TOR1AIP2: variants seen among roughly 807,000 people sequenced by gnomAD.
The protein encoded by TOR1AIP2 is torsin-1A-interacting protein 2.
Under a neutral mutation model 32.6 loss-of-function variants are expected in TOR1AIP2, and 20 were observed. The observed-to-expected ratio is 0.61, with a 90% confidence interval of 0.43 to 0.89. TOR1AIP2 has a LOEUF of 0.89. Ranked by LOEUF, TOR1AIP2 falls within the 40% of genes least tolerant of loss-of-function variation. TOR1AIP2 has a pLI of 0.00. For synonymous variants in TOR1AIP2, 214 were observed against 210.8 expected (o/e 1.02, Z -0.13); for missense variants, 456 against 553.8 (o/e 0.82, Z 1.77).
chr1:179,858,002 A>T (rs1319583049), intron 3 of TOR1AIP2, among the ~76,000 whole-genome samples: 1 of 152,106 alleles, frequency 6.6e-6, no homozygotes, highest in East Asian at 1.9e-4. Context: ...AAAAAAATTT[A>T]AAAATTAGCC....
rs764630420 is a variant in TOR1AIP2 at position 179,865,059 on chromosome 1, A to C, written c.-147+377T>G. 3 of 1,614,076 alleles carry C rather than the reference A, an allele frequency of 1.9e-6. No homozygotes were observed. The South Asian group carries it at 3.3e-5, about 18-fold the overall frequency. On this transcript the variant is annotated intron_variant, in intron 3 of 6. Coordinates refer to ENST00000609928, the MANE Select transcript of TOR1AIP2 (RefSeq NM_001199260.2). ...TAATCAGCTCTGTTAATACGGTCTA[A>C]GAATACCTGGTAACATTCATTTTCA...
In TOR1AIP2 at chr1:179,844,939, T is replaced by C. The variant is rs2148419924; in HGVS notation, c.*1132A>G. 1 of 152,344 alleles carries C rather than the reference T, an allele frequency of 6.6e-6. No homozygotes were observed. The allele number at this position is 152,344 out of a possible 1,614,324, so 9.4% of individuals were successfully genotyped here. Reference sequence around the variant, plus strand: ...TGAAAGAGTCTACAAACTCTTACCCTAGACAAGTATAAAATTCCATGCAGA... The same window carrying C: ...TGAAAGAGTCTACAAACTCTTACCCCAGACAAGTATAAAATTCCATGCAGA... On this transcript the variant is annotated 3_prime_UTR_variant, in exon 7 of 7. Coordinates refer to ENST00000609928, the MANE Select transcript of TOR1AIP2 (RefSeq NM_001199260.2).
rs1013799845 is a variant in TOR1AIP2 at position 179,844,436 on chromosome 1, C to T, written c.*1635G>A. On this transcript the variant is annotated 3_prime_UTR_variant, in exon 7 of 7. Coordinates refer to ENST00000609928, the MANE Select transcript of TOR1AIP2 (RefSeq NM_001199260.2). ...TTTAATCAGACTTCTTAGCTATATA[C>T]ATATGATCTCATATAATGGAGAGGC... 1 of 152,172 alleles carries T rather than the reference C, an allele frequency of 6.6e-6. No homozygotes were observed. The highest frequency in any genetic ancestry group is 1.5e-5 in the Non-Finnish European group (1 of 68,030). The allele number at this position is 152,172 out of a possible 1,614,324, so 9.4% of individuals were successfully genotyped here. A position where few individuals can be genotyped will look rare whatever the true frequency, so the allele number is the denominator to read the frequency against.
intron 2 of TOR1AIP2, chr1:179,867,846 C>T (rs986218865): frequency 6.6e-6 from 1 of 152,166 alleles, no homozygotes; most frequent in East Asian, 1.9e-4. Flanking sequence ...AGAACTCCAC[C>T]GTTCCATATG....
chr1:179,869,935 C>G (rs182049182), intron 2 of TOR1AIP2, among the ~76,000 whole-genome samples: 2 of 152,294 alleles, frequency 1.3e-5, no homozygotes, highest in East Asian at 3.9e-4. Context: ...CTGTTCTAAA[C>G]ACTTTATTCG....
chr1:179,850,171 A>ACC (rs1344799357), intron 5 of TOR1AIP2, among the ~76,000 whole-genome samples: 202 of 152,276 alleles, frequency 1.3e-3, no homozygotes, highest in African/African-American at 4.8e-3. Context: ...CAAACAGGAA[A>ACC]TTGAAGCACC....
chr1:179,867,292 C>T (rs183727272), intron 2 of TOR1AIP2, among the ~76,000 whole-genome samples: 6 of 152,220 alleles, frequency 3.9e-5, no homozygotes, highest in Admixed American at 6.5e-5. Context: ...TAACAATGTA[C>T]GGGTGAGGGC....
chr1:179,864,661 T>G, intron 3 of TOR1AIP2: 2 of 1,483,264 alleles, frequency 1.3e-6, no homozygotes, highest in Non-Finnish European at 1.8e-6. Flanking sequence ...ATCCAACAAT[T>G]TAAGCAGTTC....
Position 179,844,217 on chromosome 1 carries a change from C to T in TOR1AIP2, c.*1854G>A, listed in dbSNP as rs2794583. 0.43 allele frequency: 66,079 copies of T among 152,020 alleles called. 15,655 individuals carry two copies. Among genetic ancestry groups the T allele is most frequent in the African/African-American group, 0.63 (26,154 of 41,448 alleles). The allele number at this position is 152,020 out of a possible 1,614,324, so 9.4% of individuals were successfully genotyped here. A position where few individuals can be genotyped will look rare whatever the true frequency, so the allele number is the denominator to read the frequency against. On this transcript the variant is annotated 3_prime_UTR_variant, in exon 7 of 7. Coordinates refer to ENST00000609928, the MANE Select transcript of TOR1AIP2 (RefSeq NM_001199260.2). Reference sequence around the variant, plus strand: ...TTTTATACTGGATTGACAGTGATATCACATTCACCATGCTTTAACTTTTTG... The same window carrying T: ...TTTTATACTGGATTGACAGTGATATTACATTCACCATGCTTTAACTTTTTG...
At chr1:179,855,159 C>A (rs569933654) in intron 3 of TOR1AIP2, among the ~76,000 whole-genome samples, 82 of 152,230 alleles carry the variant, frequency 5.4e-4, no homozygotes, top group Non-Finnish European at 1.1e-3. Flanking sequence ...TTGAGAATAT[C>A]AAATATCTTT....
intron 3 of TOR1AIP2, among the ~76,000 whole-genome samples, chr1:179,853,476 G>A (rs1696189430): frequency 6.6e-6 from 1 of 152,196 alleles, no homozygotes; most frequent in Non-Finnish European, 1.5e-5. Flanking sequence ...AATAAAAACA[G>A]TCATATTTTA....
At chr1:179,866,499 G>A (rs997754117) in intron 2 of TOR1AIP2, among the ~76,000 whole-genome samples, 1 of 151,982 alleles carries the variant, frequency 6.6e-6, no homozygotes, top group Non-Finnish European at 1.5e-5. Flanking sequence ...TGCAATCTCC[G>A]CCTCCTGGGT....
rs150114869 is a variant in TOR1AIP2 at position 179,846,657 on chromosome 1, C to T, written c.827G>A (p.Arg276Lys). 1.1e-5 allele frequency: 17 copies of T among 1,614,034 alleles called. No homozygotes were observed. In the African/African-American group the frequency reaches 2.1e-4, roughly 20 times the overall value. The change falls in exon 7 of 7, where the codon AGA (arginine) becomes AAA (lysine). Residue 276 changes from arginine (R) to lysine (K), a missense_variant. Arg to Lys is a conservative substitution (Grantham distance 26). Coordinates refer to ENST00000609928, the MANE Select transcript of TOR1AIP2 (RefSeq NM_001199260.2). The stretch of plus-strand genomic sequence containing the variant: ...GTGCTTCTGGAGAAACTTCCGTCCT[C>T]TCTGCCACAGGAAGGAACTCTGGCC... The part of the protein sequence containing the change: ...FPGQSSFLWQ[R>K]GRKFLQKHLN...
chr1:179,859,327 TGA>T (rs1271186423), intron 3 of TOR1AIP2: 2 of 879,822 alleles, frequency 2.3e-6, no homozygotes, highest in Non-Finnish European at 2.7e-6. Flanking sequence ...ATGAGGAAAC[TGA>T]GATACAGAAA....
intron 3 of TOR1AIP2, chr1:179,859,183 C>A (rs930960695): frequency 1.0e-6 from 1 of 984,758 alleles, no homozygotes; most frequent in African/African-American, 1.7e-5. Context: ...AAAGCATATA[C>A]AACAACTATA....
At chr1:179,861,405 C>T (rs934130549) in intron 3 of TOR1AIP2, 1 of 985,418 alleles carries the variant, frequency 1.0e-6, no homozygotes, top group Non-Finnish European at 1.2e-6. Context: ...TTCTCCTTTG[C>T]TCAATTTTAT....
intron 3 of TOR1AIP2, among the ~76,000 whole-genome samples, chr1:179,855,051 TATTCA>T (rs2148433775): frequency 6.6e-6 from 1 of 152,338 alleles, no homozygotes; most frequent in East Asian, 1.9e-4. Flanking sequence ...GACAACTGAC[TATTCA>T]AATAGGGGGA....
In TOR1AIP2 at chr1:179,843,135, T is replaced by C. The variant is rs1571645318; in HGVS notation, c.*2936A>G. 6.6e-6 allele frequency: 1 copy of C among 151,760 alleles called. No homozygotes were observed. Among genetic ancestry groups the C allele is most frequent in the East Asian group, 1.9e-4 (1 of 5,170 alleles). 9.4% of individuals were successfully genotyped at this position (151,760 alleles called of 1,614,324 possible). A position where few individuals can be genotyped will look rare whatever the true frequency, so the allele number is the denominator to read the frequency against. On this transcript the variant is annotated 3_prime_UTR_variant, in exon 7 of 7. Coordinates refer to ENST00000609928, the MANE Select transcript of TOR1AIP2 (RefSeq NM_001199260.2). ...TAGATTTGAATTATCTGTACATTTATAAAATATGGTCTTATGTTTAAAAAT... is the reference window on the plus strand; with the variant it reads ...TAGATTTGAATTATCTGTACATTTACAAAATATGGTCTTATGTTTAAAAAT...
intron 3 of TOR1AIP2, chr1:179,864,754 A>G (rs1333857473): frequency 6.4e-7 from 1 of 1,551,658 alleles, no homozygotes; most frequent in Non-Finnish European, 8.7e-7. Flanking sequence ...AAGCCTCTAG[A>G]CTTGACAATT....
Sources: gnomAD v4.1 joint callset for allele counts (sites outside exome capture counted in the v4.1 genomes callset) on GRCh38, gnomAD v4.1.1 for gene constraint, MANE v1.5 for transcripts, NCBI Gene and HGNC (gene_info 2026-07-23, HGNC 2026-07-21) for gene names.